The following FEZ1 variants were observed in gnomAD, a reference collection of about 807,000 sequenced individuals.
FEZ1 encodes the protein fasciculation and elongation protein zeta-1.
FEZ1 carries 20 observed loss-of-function variants against 49.3 expected under a neutral mutation model. That is an observed-to-expected ratio of 0.41 (90% CI 0.29 to 0.59). The LOEUF (loss-of-function observed/expected upper bound fraction) is 0.59. Ranked by LOEUF, FEZ1 falls within the 20% of genes least tolerant of loss-of-function variation. The probability of loss-of-function intolerance (pLI) is 0.36; values close to 1 mark genes in which losing one functional copy is unlikely to be tolerated. For missense variants in FEZ1, 413 were observed against 476.0 expected, an observed-to-expected ratio of 0.87 and a Z score of 1.23; for synonymous variants, 170 against 180.9, an observed-to-expected ratio of 0.94 and a Z score of 0.48.
At chr11:125,481,419 T>C in intron 3 of FEZ1, 115 bp downstream of exon 3, 1 of 779,740 alleles carries the variant, frequency 1.3e-6, no homozygotes, top group Non-Finnish European at 2.3e-6. Flanking sequence ...AAAGCTGAGA[T>C]TACAGGCATG....
intron 6 of FEZ1, 80 bp from the exon 7 acceptor site, chr11:125,454,290 G>T (rs1645261187): frequency 1.9e-6 from 2 of 1,078,376 alleles, no homozygotes; most frequent in Admixed American, 2.1e-5. Context: ...CAGCTACCAG[G>T]CTGTCCCAGA....
rs57518063 is a variant in FEZ1, at chr11:125,470,250, CACTT to C, written c.412-6684_412-6681del. Among the ~76,000 whole-genome samples the C allele has an allele frequency of 5.0e-3, 764 of 152,236 alleles. 9 individuals are homozygous for C. Among genetic ancestry groups the C allele is most frequent in the African/African-American group, 0.017 (711 of 41,550 alleles). On this transcript the variant is annotated intron_variant, in intron 3 of 9. Transcript: ENST00000278919. ...TTCATTTAAAAACTACAAAGATGTA[CACTT>C]ACTAAGACCAGAAAAAAATTTTAAA... is the stretch of plus-strand genomic sequence containing the variant.
rs1956889128 is a variant in FEZ1 at position 125,445,316 on chromosome 11, C to G, written c.*779G>C. On this transcript the variant is annotated 3_prime_UTR_variant, in exon 10 of 10. Transcript: ENST00000278919. The surrounding 1 kb of genome is among the most constrained non-coding windows in gnomAD (Gnocchi z 4.4). ...GGAAAGCTCAGCAGAGCTGACTTCC[C>G]GCAGGCCCTGAGCCTCCAGGTCCCC... Among the ~76,000 whole-genome samples, 1 of 152,208 alleles carries G rather than the reference C, an allele frequency of 6.6e-6. No individual in the cohort carries two copies. Among genetic ancestry groups the G allele is most frequent in the Non-Finnish European group, 1.5e-5 (1 of 68,038 alleles).
At chr11:125,449,209 A>AT (rs35234938) in intron 8 of FEZ1, among the ~76,000 whole-genome samples, 269 of 138,090 alleles carry the variant, frequency 1.9e-3, no homozygotes, top group Admixed American at 3.6e-3. Flanking sequence ...TGCCCAGCTA[A>AT]TTTTTTTTTT....
intron 3 of FEZ1, among the ~76,000 whole-genome samples, chr11:125,479,621 A>G (rs1957261900): frequency 6.6e-6 from 1 of 152,186 alleles, no homozygotes; most frequent in Non-Finnish European, 1.5e-5. Flanking sequence ...TGTGGAGGTG[A>G]TGATATCATG....
At position 125,460,491 on chromosome 11, in the gene FEZ1, C is replaced by T; in HGVS notation, c.667+7G>A. On this transcript the variant is annotated splice_region_variant and intron_variant, in intron 5 of 9. Transcript: ENST00000278919. Reference sequence around the variant, plus strand: ...TCCTCGGCCAGCCCAGCGCCCAGGGCCCTCACCTTCATAGGACCAGTTGTT... The same window carrying T: ...TCCTCGGCCAGCCCAGCGCCCAGGGTCCTCACCTTCATAGGACCAGTTGTT... The T allele has an allele frequency of 6.2e-7, 1 of 1,612,768 alleles. No individual in the cohort carries two copies. Among genetic ancestry groups the T allele is most frequent in the Non-Finnish European group, 8.5e-7 (1 of 1,179,276 alleles).
At chr11:125,449,441 A>G (rs28489577) in intron 8 of FEZ1, among the ~76,000 whole-genome samples, 2,336 of 128,074 alleles carry the variant, frequency 0.018, 81 homozygotes, top group Non-Finnish European at 0.028. Flanking sequence ...AAAAAAAAAA[A>G]AAGAAGAAGA....
chr11:125,456,844 A>C (rs904575410), intron 5 of FEZ1, among the ~76,000 whole-genome samples: 1 of 152,212 alleles, frequency 6.6e-6, no homozygotes, highest in Non-Finnish European at 1.5e-5. Flanking sequence ...ATATTTTCAT[A>C]GTTGAGATTA....
At chr11:125,458,841 G>A (rs1449923647) in intron 5 of FEZ1, among the ~76,000 whole-genome samples, 1 of 152,148 alleles carries the variant, frequency 6.6e-6, no homozygotes, top group African/African-American at 2.4e-5. Context: ...GGCCGAGGCA[G>A]TCGGATCACG....
chr11:125,483,219 T>A (rs980802858), intron 2 of FEZ1, among the ~76,000 whole-genome samples: 2 of 152,152 alleles, frequency 1.3e-5, no homozygotes, highest in Non-Finnish European at 2.9e-5. Context: ...TTCCTGATTT[T>A]GTTTGTATCA....
chr11:125,487,940 G>A (rs74666039), intron 2 of FEZ1, among the ~76,000 whole-genome samples: 639 of 152,240 alleles, frequency 4.2e-3, no homozygotes, highest in African/African-American at 0.014. Flanking sequence ...CCTCTAGGAC[G>A]TGCCTCTTAC....
chr11:125,481,656 A>C, intron 2 of FEZ1, 23 bp from the exon 3 acceptor site: 1 of 1,503,078 alleles, frequency 6.7e-7, no homozygotes, highest in African/African-American at 1.4e-5. Flanking sequence ...AGAAGCTCTC[A>C]TTAACACACA....
Position 125,457,459 on chromosome 11 carries a change from TACACATATATATGTATATATACAC to T in FEZ1, c.668-1377_668-1354del, listed in dbSNP as rs1434085366. Among the ~76,000 whole-genome samples the T allele has an allele frequency of 6.9e-3, 528 of 77,000 alleles. 6 individuals carry two copies. Among genetic ancestry groups the T allele is most frequent in the Admixed American group, 0.014 (96 of 6,836 alleles). 50.5% of individuals were successfully genotyped at this position (77,000 alleles called of 152,430 possible). A position where few individuals can be genotyped will look rare whatever the true frequency, so the allele number is the denominator to read the frequency against. ...ATATATATATATATATATGTATATATACACATATATATGTATATATACACATATATGTGTATATATGTATATATA... is the reference window on the plus strand; with the variant it reads ...ATATATATATATATATATGTATATATATATATGTGTATATATGTATATATA... On this transcript the variant is annotated intron_variant, in intron 5 of 9. Transcript: ENST00000278919.
rs185204523 is a variant in FEZ1 at position 125,452,670 on chromosome 11, G to A, written c.1021-261C>T. The A allele has an allele frequency of 9.4e-4, 399 of 423,868 alleles. 1 individual carries two copies. Among genetic ancestry groups the A allele is most frequent in the Non-Finnish European group, 1.3e-3 (315 of 239,506 alleles). 26.3% of individuals were successfully genotyped at this position (423,868 alleles called of 1,614,324 possible). ...ACTTCTCTGTTATTTAGGAATCCTGGGGAGCTTTTTCTCCTTTAGACTGAA... is the reference window on the plus strand; with the variant it reads ...ACTTCTCTGTTATTTAGGAATCCTGAGGAGCTTTTTCTCCTTTAGACTGAA... On this transcript the variant is annotated intron_variant, in intron 7 of 9. Coordinates refer to ENST00000278919, the MANE Select transcript of FEZ1 (RefSeq NM_005103.5).
chr11:125,469,370 C>T (rs1272559593), intron 3 of FEZ1, among the ~76,000 whole-genome samples: 1 of 152,206 alleles, frequency 6.6e-6, no homozygotes, highest in East Asian at 1.9e-4. Flanking sequence ...GCAATCCTCC[C>T]ACCTCAGCCT....
In FEZ1 at chr11:125,463,535, C is replaced by T. The variant is rs150934370; in HGVS notation, c.447G>A (p.Lys149=). 270 of 1,611,622 alleles carry T rather than the reference C, an allele frequency of 1.7e-4. 1 individual carries two copies. The highest frequency in any genetic ancestry group is 4.1e-4 in the South Asian group (37 of 91,024). Residue 149 remains lysine (K), a synonymous_variant, in exon 4 of 10, where the codon AAG becomes AAA. Transcript: ENST00000278919. The part of the protein sequence containing the change: ...HEKEEEEFNE[K]SENDSGINEE... Reference sequence around the variant, plus strand: ...CGTTGATACCGGAATCATTTTCACTCTTCTCATTGAACTCTTCCTCTTCTT... The same window carrying T: ...CGTTGATACCGGAATCATTTTCACTTTTCTCATTGAACTCTTCCTCTTCTT...
Position 125,489,449 on chromosome 11 carries a change from G to A in FEZ1, c.311+18C>T, listed in dbSNP as rs763529379. ...GGGCTCTCGACTGAAGCAGGAGAGG[G>A]CAATTAAGACTTCTTACTCCTCGTC... On this transcript the variant is annotated intron_variant, in intron 2 of 9. Coordinates refer to ENST00000278919, the MANE Select transcript of FEZ1 (RefSeq NM_005103.5). This position sits in a 1 kb window ranked among gnomAD's most constrained non-coding sequence, Gnocchi z 4.2. 3.8e-6 allele frequency: 6 copies of A among 1,598,650 alleles called. No homozygotes were observed. Among genetic ancestry groups the A allele is most frequent in the Non-Finnish European group, 5.1e-6 (6 of 1,173,052 alleles).
intron 5 of FEZ1, 141 bp from the exon 6 acceptor site, chr11:125,456,247 C>T: frequency 3.7e-6 from 3 of 802,586 alleles, no homozygotes; most frequent in Non-Finnish European, 5.6e-6. Flanking sequence ...CCAAGAAAGA[C>T]CTTCACAATT....
chr11:125,493,422 GAAGGAAA>G (rs1957411933), intron 1 of FEZ1, among the ~76,000 whole-genome samples: 3 of 37,626 alleles, frequency 8.0e-5, no homozygotes, highest in South Asian at 1.0e-3. Flanking sequence ...AAGAAAGAAA[GAAGGAAA>G]GAAGGAAAGA....
Sources: gnomAD v4.1 joint callset for allele counts (sites outside exome capture counted in the v4.1 genomes callset) on GRCh38, gnomAD v4.1.1 for gene constraint, Gnocchi (gnomAD v3.1) non-coding constraint, MANE v1.5 for transcripts, NCBI Gene and HGNC (gene_info 2026-07-23, HGNC 2026-07-21) for gene names.